The following ECI2 variants were observed in gnomAD, a reference collection of about 807,000 sequenced individuals.
ECI2 encodes the protein enoyl-CoA delta isomerase 2.
Under a neutral mutation model 38.4 loss-of-function variants are expected in ECI2, and 27 were observed. The observed-to-expected ratio is 0.70, with a 90% CI of 0.52 to 0.97. The LOEUF is 0.97. Among genes scored for constraint, ECI2 ranks in the 50% least tolerant of loss-of-function variants. The pLI is 0.00. For synonymous variants in ECI2, 168 were observed against 172.0 expected, an observed-to-expected ratio of 0.98 and a Z score of 0.18; for missense variants, 470 against 474.4, an observed-to-expected ratio of 0.99 and a Z score of 0.09.
intron 6 of ECI2, 111 bp downstream of exon 6, chr6:4,126,024 A>G: frequency 1.2e-6 from 1 of 849,288 alleles, no homozygotes; most frequent in Non-Finnish European, 1.9e-6. Context: ...CAAAGTCACA[A>G]TTAACTGCAC....
At chr6:4,132,743 A>G (rs1561660081) in intron 2 of ECI2, among the ~76,000 whole-genome samples, 1 of 151,972 alleles carries the variant, frequency 6.6e-6, no homozygotes, top group Non-Finnish European at 1.5e-5. Context: ...AAACTGCCTT[A>G]CTTGCTTCAT....
chr6:4,122,176 C>T (rs1772837852), intron 7 of ECI2: 1 of 465,598 alleles, frequency 2.1e-6, no homozygotes, highest in Non-Finnish European at 3.9e-6. Flanking sequence ...CTTACCCTCT[C>T]TGTACCACAG....
intron 4 of ECI2, 121 bp downstream of exon 4, chr6:4,130,251 T>A (rs1480934776): frequency 3.1e-6 from 5 of 1,613,376 alleles, no homozygotes; most frequent in Middle Eastern, 3.3e-4. Flanking sequence ...CCAACCTTCC[T>A]GCACAAATCA....
At chr6:4,121,489 C>A (rs1772749136) in intron 7 of ECI2, among the ~76,000 whole-genome samples, 1 of 151,970 alleles carries the variant, frequency 6.6e-6, no homozygotes, top group Non-Finnish European at 1.5e-5. Flanking sequence ...CTCACCATTG[C>A]CCATTTTTAT....
chr6:4,120,067 T>C (rs115905525), intron 7 of ECI2, among the ~76,000 whole-genome samples: 228 of 152,328 alleles, frequency 1.5e-3, no homozygotes, highest in African/African-American at 5.3e-3. Context: ...CATTCACCAG[T>C]TAATGCCATT....
intron 7 of ECI2, chr6:4,124,907 C>A: frequency 2.4e-6 from 1 of 420,446 alleles, no homozygotes; most frequent in Middle Eastern, 3.4e-4. Context: ...TCAACTAATC[C>A]CTTGCACAAC....
chr6:4,115,748 A>C lies in ECI2; in HGVS notation c.*126T>G. Reference sequence around the variant, plus strand: ...TTATTCATCAGAGCTGTAGTGAAATATCATCATTGTAATTGATATTCTAGC... The same window carrying C: ...TTATTCATCAGAGCTGTAGTGAAATCTCATCATTGTAATTGATATTCTAGC... On this transcript the variant is annotated 3_prime_UTR_variant, in exon 10 of 10. Coordinates refer to ENST00000380118, the MANE Select transcript of ECI2 (RefSeq NM_206836.3). 7.3e-7 allele frequency: 1 copy of C among 1,371,280 alleles called. No individual in the cohort carries two copies. The highest frequency in any genetic ancestry group is 1.4e-5 in the South Asian group (1 of 72,808). 84.9% of individuals were successfully genotyped at this position (1,371,280 alleles called of 1,614,324 possible). A position where few individuals can be genotyped will look rare whatever the true frequency, so the allele number is the denominator to read the frequency against.
chr6:4,127,565 C>A (rs1773251404), intron 5 of ECI2, among the ~76,000 whole-genome samples, 197 bp downstream of exon 5: 1 of 151,738 alleles, frequency 6.6e-6, no homozygotes, highest in Non-Finnish European at 1.5e-5. Context: ...CAGGTGTGTG[C>A]CACCATGCCC....
At chr6:4,130,004 G>GA (rs1415550190) in intron 4 of ECI2, 3 of 1,015,748 alleles carry the variant, frequency 3.0e-6, no homozygotes, top group Non-Finnish European at 4.4e-6. Flanking sequence ...CGTGCAAGCA[G>GA]AAAGACTTAC....
At chr6:4,133,851 G>C in intron 1 of ECI2, 140 bp from the exon 2 acceptor site, 1 of 1,005,180 alleles carries the variant, frequency 9.9e-7, no homozygotes, top group Non-Finnish European at 1.4e-6. Flanking sequence ...TCAGCAAACT[G>C]GCTGCAAATA....
In ECI2 at chr6:4,133,572, T is replaced by G; in HGVS notation, c.190A>C (p.Lys64Gln). The G allele has an allele frequency of 6.2e-7, 1 of 1,613,680 alleles. No individual in the cohort carries two copies. ...KKDPGNEVKLKLYALYKQATE... is the reference protein window; with the variant it reads ...KKDPGNEVKLQLYALYKQATE... ...ACCTGCTTATATAGCGCGTAGAGTT[T>G]TAGCTTCACTTCGTTTCCTGGATCC... The change falls in exon 2 of 10, where the codon AAA becomes CAA. Residue 64 changes from lysine to glutamine, a missense_variant. By Grantham distance (53) the Lys-to-Gln change is moderately conservative. Coordinates refer to ENST00000380118, the MANE Select transcript of ECI2 (RefSeq NM_206836.3).
rs748407831 is a variant in ECI2, at chr6:4,130,108, A to AC, written c.501+263_501+264insG. The AC allele has an allele frequency of 2.5e-6, 4 of 1,611,890 alleles. No homozygotes were observed. The South Asian group carries it at 4.4e-5, about 18-fold the overall frequency. On this transcript the variant is annotated intron_variant, in intron 4 of 9. Transcript: ENST00000380118. Reference sequence around the variant, plus strand: ...AAATTCTCTCATAGCAACATGTTTCATTTATATTCATTTATTTCTGCTTCC... The same window carrying AC: ...AAATTCTCTCATAGCAACATGTTTCACTTTATATTCATTTATTTCTGCTTCC...
Position 4,133,637 on chromosome 6 carries a change from T to A in ECI2, c.125A>T (p.Asp42Val), listed in dbSNP as rs767019151. ...NRTAMRASQK[D>V]FENSMNQVKL... is the part of the protein sequence containing the mutation. ...CACTTGATTCATTGAATTTTCAAAG[T>A]CCTTCTGACTGGCTCTCATTGCTGT... The change falls in exon 2 of 10, where the codon GAC becomes GTC. Residue 42 changes from aspartate (D) to valine (V), a missense_variant. Asp to Val is a radical substitution (Grantham distance 152). Transcript: ENST00000380118. 1 of 1,614,056 alleles carries A rather than the reference T, an allele frequency of 6.2e-7. No homozygotes were observed. The highest frequency in any genetic ancestry group is 8.5e-7 in the Non-Finnish European group (1 of 1,179,978).
chr6:4,125,024 C>A (rs756022446), intron 7 of ECI2: 1 of 693,008 alleles, frequency 1.4e-6, no homozygotes, highest in South Asian at 1.6e-5. Flanking sequence ...GATTAGAATC[C>A]GGAACAGTCA....
intron 6 of ECI2, 59 bp from the exon 7 acceptor site, chr6:4,125,429 G>C: frequency 6.2e-7 from 1 of 1,603,752 alleles, no homozygotes; most frequent in Non-Finnish European, 8.5e-7. Context: ...CTAAAGCATG[G>C]GCAAGACAGT....
chr6:4,133,835 C>G (rs1440255396), intron 1 of ECI2, 124 bp from the exon 2 acceptor site: 10 of 1,191,344 alleles, frequency 8.4e-6, no homozygotes, highest in Non-Finnish European at 1.1e-5. Flanking sequence ...TTTCTTTATA[C>G]TTGCCTCAGC....
intron 1 of ECI2, 64 bp downstream of exon 1, chr6:4,135,447 C>T: frequency 6.2e-7 from 1 of 1,609,192 alleles, no homozygotes; most frequent in Non-Finnish European, 8.5e-7. Context: ...CGGCGGCGAC[C>T]TTCGCCTGGA....
intron 5 of ECI2, 52 bp from the exon 6 acceptor site, chr6:4,126,289 G>T: frequency 6.8e-7 from 1 of 1,474,912 alleles, no homozygotes; most frequent in Non-Finnish European, 9.3e-7. Flanking sequence ...TATAATTCTT[G>T]AGTATCTACT....
At position 4,117,374 on chromosome 6, in the gene ECI2, G is replaced by T; in HGVS notation, c.963C>A (p.Phe321Leu). The change falls in exon 9 of 10, where the codon TTC becomes TTA. Residue 321 changes from phenylalanine to leucine, a missense_variant. Phe to Leu is a conservative substitution (Grantham distance 22). Transcript: ENST00000380118. ...CTTCTTTCTGAAAAGTGCTATCAGG[G>T]AAAACTTCAGTAACAAGTCCTTGAG... is the stretch of plus-strand genomic sequence containing the variant. Reference protein sequence around the residue: ...ACAQGLVTEVFPDSTFQKEVW... With the variant: ...ACAQGLVTEVLPDSTFQKEVW... 2 of 1,613,988 alleles carry T rather than the reference G, an allele frequency of 1.2e-6. No homozygotes were observed. Among genetic ancestry groups the T allele is most frequent in the African/African-American group, 2.7e-5 (2 of 75,038 alleles).
Sources: gnomAD v4.1 joint callset for allele counts (sites outside exome capture counted in the v4.1 genomes callset) on GRCh38, gnomAD v4.1.1 for gene constraint, MANE v1.5 for transcripts, NCBI Gene and HGNC (gene_info 2026-07-23, HGNC 2026-07-21) for gene names.